Variants in COLQ observed in about 807,000 individuals in gnomAD.
The protein encoded by COLQ is acetylcholinesterase collagenic tail peptide.
A neutral mutation model predicts 69.0 loss-of-function variants in COLQ; 48 were observed. The ratio of observed to expected loss-of-function variants is 0.70; its 90% CI spans 0.55 to 0.88. The LOEUF is 0.88. Among genes scored for constraint, COLQ ranks in the 40% least tolerant of loss-of-function variants. COLQ has a pLI of 0.00. For missense variants in COLQ, 618 were observed against 594.6 expected, an observed-to-expected ratio of 1.04 and a Z score of -0.41; for synonymous variants, 217 against 211.2, an observed-to-expected ratio of 1.03 and a Z score of -0.24.
chr3:15,457,301 G>T (rs916214715), intron 13 of COLQ, among the ~76,000 whole-genome samples: 1 of 151,592 alleles, frequency 6.6e-6, no homozygotes, highest in Admixed American at 6.6e-5. Context: ...TAAGCAATAG[G>T]TTGGTTAAAC....
At chr3:15,469,114 G>A (rs1018909717) in intron 11 of COLQ, among the ~76,000 whole-genome samples, 2 of 152,184 alleles carry the variant, frequency 1.3e-5, no homozygotes, top group Admixed American at 6.5e-5. Flanking sequence ...AGGGTTTGCA[G>A]CACCCTCGGG....
chr3:15,476,538 G>C (rs1240175076), intron 6 of COLQ, among the ~76,000 whole-genome samples: 1 of 152,172 alleles, frequency 6.6e-6, no homozygotes, highest in East Asian at 1.9e-4. Context: ...AGAGCAGATG[G>C]TGAGATCCAC....
rs746962317 is a variant in COLQ at position 15,475,399 on chromosome 3, AACGTCCATTTGGACCCCACACTG to A, written c.528+3_528+25del. The A allele has an allele frequency of 6.3e-7, 1 of 1,576,054 alleles. No homozygotes were observed. The highest frequency in any genetic ancestry group is 1.2e-5 in the South Asian group (1 of 86,334). On this transcript the variant is annotated splice_donor_5th_base_variant and intron_variant, in intron 7 of 16. Coordinates refer to ENST00000383788, the MANE Select transcript of COLQ (RefSeq NM_005677.4). ...CTCCAGAGCCTGACAGAGATCTGGG[AACGTCCATTTGGACCCCACACTG>A]ACCTTGGAGCCCATTGGTCCTCTTG... is the stretch of plus-strand genomic sequence containing the variant.
At chr3:15,486,636 A>G (rs1209038158) in intron 3 of COLQ, among the ~76,000 whole-genome samples, 1 of 152,136 alleles carries the variant, frequency 6.6e-6, no homozygotes, top group African/African-American at 2.4e-5. Context: ...ATAGAAATGC[A>G]CCTCCGAGGA....
intron 1 of COLQ, among the ~76,000 whole-genome samples, chr3:15,493,798 A>C (rs2062705872): frequency 6.6e-6 from 1 of 152,232 alleles, no homozygotes; most frequent in Non-Finnish European, 1.5e-5. Flanking sequence ...AAATATGTCA[A>C]ACAGGCTAGG....
intron 11 of COLQ, chr3:15,467,671 C>T (rs1253501443): frequency 2.9e-6 from 1 of 350,188 alleles, no homozygotes; most frequent in East Asian, 8.0e-5. Context: ...TGCTAATTGT[C>T]TGCTCTTGCC....
chr3:15,464,469 C>A (rs115709102), intron 12 of COLQ, among the ~76,000 whole-genome samples: 1 of 152,156 alleles, frequency 6.6e-6, no homozygotes, highest in Admixed American at 6.6e-5. Flanking sequence ...GATCTTTGCC[C>A]AACCTATTTG....
chr3:15,467,462 T>C (rs2062216318), intron 11 of COLQ, among the ~76,000 whole-genome samples: 1 of 152,218 alleles, frequency 6.6e-6, no homozygotes, highest in African/African-American at 2.4e-5. Flanking sequence ...GTTCCATCTG[T>C]TTCACGTAGT....
At position 15,482,844 on chromosome 3, in the gene COLQ, C is replaced by CT. The variant is rs1054035742; in HGVS notation, c.322-3463dup. On this transcript the variant is annotated intron_variant, in intron 3 of 16. Transcript: ENST00000383788. ...GGCTATGAATCCGTCTGGTCCTGGA[C>CT]TTTTTTTGGTTGGTAGGCTATTAAT... Among the ~76,000 whole-genome samples the CT allele has an allele frequency of 4.3e-4, 65 of 152,204 alleles. 1 individual carries two copies. Among genetic ancestry groups the CT allele is most frequent in the Middle Eastern group, 3.4e-3 (1 of 294 alleles).
intron 12 of COLQ, among the ~76,000 whole-genome samples, chr3:15,463,492 G>T (rs951795113): frequency 6.6e-6 from 1 of 151,406 alleles, no homozygotes; most frequent in Non-Finnish European, 1.5e-5. Context: ...GACTACAGGC[G>T]CCCGCCACTA....
chr3:15,474,197 A>C, intron 9 of COLQ, 31 bp downstream of exon 9: 1 of 1,613,396 alleles, frequency 6.2e-7, no homozygotes, highest in Non-Finnish European at 8.5e-7. Context: ...ACTGACATTT[A>C]TCATTTCTAT....
At chr3:15,514,558 T>A (rs906673501) in intron 1 of COLQ, among the ~76,000 whole-genome samples, 1 of 152,228 alleles carries the variant, frequency 6.6e-6, no homozygotes, top group Non-Finnish European at 1.5e-5. Context: ...ACTTTCATAA[T>A]GCAACCTGGG....
chr3:15,494,584 C>T (rs1320071867), intron 1 of COLQ, among the ~76,000 whole-genome samples: 1 of 152,088 alleles, frequency 6.6e-6, no homozygotes, highest in Non-Finnish European at 1.5e-5. Context: ...TTGCAGAGCT[C>T]AGAGGCCTTC....
intron 12 of COLQ, among the ~76,000 whole-genome samples, chr3:15,463,185 A>G (rs1364166664): frequency 6.6e-6 from 1 of 152,174 alleles, no homozygotes; most frequent in Non-Finnish European, 1.5e-5. Flanking sequence ...AAGTCAGGTG[A>G]GGGCTGGCCT....
chr3:15,492,385 G>A (rs1431054418), intron 1 of COLQ, among the ~76,000 whole-genome samples: 3 of 152,154 alleles, frequency 2.0e-5, no homozygotes, highest in Non-Finnish European at 2.9e-5. Flanking sequence ...TGCTGCATAA[G>A]GCCGGGCACA....
chr3:15,470,456 C>T (rs979572164), intron 11 of COLQ, 80 bp downstream of exon 11: 16 of 1,290,480 alleles, frequency 1.2e-5, no homozygotes, highest in South Asian at 3.5e-5. Flanking sequence ...CTCTGATTAA[C>T]GCCACCTGCC....
chr3:15,510,138 T>C (rs1230372219), intron 1 of COLQ, among the ~76,000 whole-genome samples: 1 of 151,662 alleles, frequency 6.6e-6, no homozygotes, highest in African/African-American at 2.4e-5. Context: ...ATCGCGCCAC[T>C]GCAGTCTAGC....
chr3:15,467,747 C>T lies in COLQ; in HGVS notation c.718-1310G>A, dbSNP rs144623840. On this transcript the variant is annotated intron_variant, in intron 11 of 16. Transcript: ENST00000383788. ...GACCTGGTTCTTCTTACTACACTTG[C>T]GCCTTGGCAGGCTTGCCCACCTGAT... is the stretch of plus-strand genomic sequence containing the variant. 9.8e-4 allele frequency: 403 copies of T among 411,246 alleles called. 3 individuals carry two copies. In the East Asian group the frequency reaches 0.013, roughly 14 times the overall value. 25.5% of individuals were successfully genotyped at this position (411,246 alleles called of 1,614,324 possible).
At chr3:15,492,726 T>C (rs2062690361) in intron 1 of COLQ, among the ~76,000 whole-genome samples, 1 of 152,030 alleles carries the variant, frequency 6.6e-6, no homozygotes. Flanking sequence ...TAATTATATA[T>C]AAGTACGAAT....
Sources: gnomAD v4.1 joint callset for allele counts (sites outside exome capture counted in the v4.1 genomes callset) on GRCh38, gnomAD v4.1.1 for gene constraint, MANE v1.5 for transcripts, NCBI Gene and HGNC (gene_info 2026-07-23, HGNC 2026-07-21) for gene names.